The following GXYLT2 variants were observed in gnomAD, a reference collection of about 807,000 sequenced individuals.
GXYLT2 encodes the protein glucoside xylosyltransferase 2.
GXYLT2 carries 53 observed loss-of-function variants against 45.8 expected under a neutral mutation model. The observed-to-expected ratio is 1.16, with a 90% confidence interval of 0.93 to 1.46. The LOEUF is 1.46. GXYLT2 is among the 40% of genes most tolerant of loss of function. The pLI, the probability that GXYLT2 is intolerant of heterozygous loss-of-function variation, is 0.00. For synonymous variants in GXYLT2, 219 were observed against 214.2 expected (o/e 1.02, Z -0.19); for missense variants, 551 against 544.4 (o/e 1.01, Z -0.12).
rs545647414 is a variant in GXYLT2 at position 72,911,498 on chromosome 3, C to T, written c.468+2939C>T. The stretch of plus-strand genomic sequence containing the variant: ...GTATGTCACTTCTGAGATTAAGTTA[C>T]AAAAGGCACTTCACCTTCCATCTCG... On this transcript the variant is annotated intron_variant, in intron 2 of 6. Transcript: ENST00000389617. Among the ~76,000 whole-genome samples the T allele has an allele frequency of 1.9e-4, 29 of 152,232 alleles. 1 individual carries two copies. In the South Asian group the frequency reaches 5.8e-3, roughly 30 times the overall value.
chr3:72,935,375 A>T (rs1343036301), intron 3 of GXYLT2, among the ~76,000 whole-genome samples: 14 of 152,220 alleles, frequency 9.2e-5, no homozygotes, highest in Admixed American at 9.2e-4. Flanking sequence ...AACTTAGAGG[A>T]CTGGTTCAAC....
chr3:72,920,819 T>TG (rs1491486551), intron 2 of GXYLT2, among the ~76,000 whole-genome samples: 2 of 96,554 alleles, frequency 2.1e-5, no homozygotes, highest in African/African-American at 1.3e-4. Flanking sequence ...TATATATGTA[T>TG]TTTTTTTTTT....
chr3:72,964,810 G>A (rs1312686217), intron 5 of GXYLT2, among the ~76,000 whole-genome samples: 1 of 152,198 alleles, frequency 6.6e-6, no homozygotes, highest in African/African-American at 2.4e-5. Flanking sequence ...CTCAAGCACA[G>A]TTTATTCAAC....
intron 5 of GXYLT2, among the ~76,000 whole-genome samples, chr3:72,961,028 G>A (rs890065012): frequency 3.9e-5 from 6 of 152,194 alleles, no homozygotes; most frequent in Non-Finnish European, 8.8e-5. Context: ...GCTAGAAAGT[G>A]TTTTAAAACT....
rs936013528 is a variant in GXYLT2 at position 72,929,003 on chromosome 3, G to T, written c.600+6668G>T. ...CGCCCCAAGGCCCGCCGCCGCTCCA[G>T]CGCCGCGCAGCCACCGCCGCCTCTC... On this transcript the variant is annotated intron_variant, in intron 3 of 6. Transcript: ENST00000389617. The T allele has an allele frequency of 4.0e-6, 5 of 1,243,284 alleles. No homozygotes were observed. The African/African-American group carries it at 7.4e-5, about 18-fold the overall frequency. The allele number at this position is 1,243,284 out of a possible 1,614,324, so 77.0% of individuals were successfully genotyped here. A position where few individuals can be genotyped will look rare whatever the true frequency, so the allele number is the denominator to read the frequency against.
At chr3:72,945,699 C>T (rs936727527) in intron 3 of GXYLT2, among the ~76,000 whole-genome samples, 1 of 152,192 alleles carries the variant, frequency 6.6e-6, no homozygotes, top group African/African-American at 2.4e-5. Flanking sequence ...CATTTGGTGA[C>T]ACTTCACCAG....
chr3:72,961,043 C>T (rs1710758837), intron 5 of GXYLT2, among the ~76,000 whole-genome samples: 1 of 152,114 alleles, frequency 6.6e-6, no homozygotes, highest in Non-Finnish European at 1.5e-5. Flanking sequence ...AAAACTCTTG[C>T]TATAATTAGA....
chr3:72,950,224 G>A (rs1303589154), intron 3 of GXYLT2, among the ~76,000 whole-genome samples: 2 of 152,130 alleles, frequency 1.3e-5, no homozygotes, highest in African/African-American at 4.8e-5. Flanking sequence ...ACTTTGGGAG[G>A]CTGAGGCGGG....
chr3:72,898,777 G>A (rs754715385), intron 1 of GXYLT2, among the ~76,000 whole-genome samples: 11 of 150,338 alleles, frequency 7.3e-5, no homozygotes, highest in African/African-American at 1.5e-4. Flanking sequence ...TGTTGCCCAC[G>A]CTGGAGTGTA....
rs1468740943 is a variant in GXYLT2 at position 72,888,469 on chromosome 3, C to A, written c.236C>A (p.Ala79Glu). The A allele has an allele frequency of 4.0e-6, 5 of 1,245,072 alleles. No individual in the cohort carries two copies. The highest frequency in any genetic ancestry group is 5.0e-6 in the Non-Finnish European group (5 of 990,334). The allele number at this position is 1,245,072 out of a possible 1,614,324, so 77.1% of individuals were successfully genotyped here. A position where few individuals can be genotyped will look rare whatever the true frequency, so the allele number is the denominator to read the frequency against. The change falls in exon 1 of 7, where the codon GCG becomes GAG. Residue 79 changes from alanine to glutamate, a missense_variant. Coordinates refer to ENST00000389617, the MANE Select transcript of GXYLT2 (RefSeq NM_001080393.2). ...RRRPPRPRPR[A>E]GRRGAARLEK... is the part of the protein sequence containing the mutation. ...CGGCCCCCGCGTCCGCGCCCCCGAGCGGGCCGCCGGGGCGCTGCGAGACTG... is the reference window on the plus strand; with the variant it reads ...CGGCCCCCGCGTCCGCGCCCCCGAGAGGGCCGCCGGGGCGCTGCGAGACTG...
chr3:72,967,462 T>TAGTGGAAAC (rs1226877537), intron 5 of GXYLT2, 85 bp from the exon 6 acceptor site: 1 of 992,520 alleles, frequency 1.0e-6, no homozygotes, highest in Non-Finnish European at 1.5e-6. Context: ...TGTGTACAGT[T>TAGTGGAAAC]AGTGGAAACA....
chr3:72,890,803 G>A (rs1361899034), intron 1 of GXYLT2, among the ~76,000 whole-genome samples: 2 of 152,128 alleles, frequency 1.3e-5, no homozygotes, highest in African/African-American at 4.8e-5. Context: ...TACCCTTGAA[G>A]CCATTTTTCT....
chr3:72,925,060 G>A (rs1366673507), intron 3 of GXYLT2, among the ~76,000 whole-genome samples: 3 of 152,192 alleles, frequency 2.0e-5, no homozygotes, highest in East Asian at 1.9e-4. Context: ...CATTTCCTAC[G>A]CAGAGACCTG....
At position 72,889,907 on chromosome 3, in the gene GXYLT2, G is replaced by GTTT. The variant is rs5850087; in HGVS notation, c.275+1413_275+1415dup. 3.5e-4 allele frequency among the ~76,000 whole-genome samples: 41 copies of GTTT among 118,772 alleles called. 1 individual carries two copies. The highest frequency in any genetic ancestry group is 5.9e-4 in the South Asian group (2 of 3,398). The allele number at this position is 118,772 out of a possible 152,430, so 77.9% of individuals were successfully genotyped here. A position where few individuals can be genotyped will look rare whatever the true frequency, so the allele number is the denominator to read the frequency against. ...CTGTTTTTCTTTTGGTTTTTTTTTT[G>GTTT]TTTTTTTTTTTTTTTTGTGACAAAG... On this transcript the variant is annotated intron_variant, in intron 1 of 6. Coordinates refer to ENST00000389617, the MANE Select transcript of GXYLT2 (RefSeq NM_001080393.2).
chr3:72,963,383 G>A (rs1010236360), intron 5 of GXYLT2, among the ~76,000 whole-genome samples: 1 of 152,062 alleles, frequency 6.6e-6, no homozygotes, highest in Non-Finnish European at 1.5e-5. Flanking sequence ...GACCAGCCTG[G>A]CCAACATGGC....
At chr3:72,959,106 CTTTTTTTT>C (rs55680713) in intron 5 of GXYLT2, among the ~76,000 whole-genome samples, 1 of 60,000 alleles carries the variant, frequency 1.7e-5, no homozygotes, top group African/African-American at 8.4e-5. Flanking sequence ...CCACACCCAG[CTTTTTTTT>C]TTTTTTTTTT....
At chr3:72,929,365 GA>G (rs35196603) in intron 3 of GXYLT2, 293 of 1,036,372 alleles carry the variant, frequency 2.8e-4, no homozygotes, top group Non-Finnish European at 3.9e-4. Flanking sequence ...TACATTTGGG[GA>G]AAAAAAAATA....
intron 1 of GXYLT2, among the ~76,000 whole-genome samples, chr3:72,907,681 C>G (rs1011271642): frequency 2.6e-5 from 4 of 152,094 alleles, no homozygotes; most frequent in African/African-American, 7.2e-5. Flanking sequence ...TCAGATTAAC[C>G]TACCCCCTCT....
chr3:72,953,759 A>G lies in GXYLT2; in HGVS notation c.601-1339A>G, dbSNP rs536620194. 1.1e-4 allele frequency among the ~76,000 whole-genome samples: 16 copies of G among 152,300 alleles called. No homozygotes were observed. In the South Asian group the frequency reaches 3.1e-3, roughly 30 times the overall value. ...GCTGATACACAAACAAAGCTAGCCA[A>G]TGACTTGCATTGCCTAATCCCAAGA... is the stretch of plus-strand genomic sequence containing the variant. On this transcript the variant is annotated intron_variant, in intron 3 of 6. Transcript: ENST00000389617.
Sources: allele counts gnomAD v4.1 joint callset (sites outside exome capture counted in the v4.1 genomes callset), GRCh38; gene constraint gnomAD v4.1.1; transcripts MANE v1.5; gene names NCBI Gene and HGNC (gene_info 2026-07-23, HGNC 2026-07-21).